Variants in BST2 observed in about 807,000 individuals in gnomAD.
BST2 encodes the protein bone marrow stromal antigen 2.
In BST2, 10 loss-of-function variants were observed where a neutral mutation model predicts 18.6. The observed-to-expected ratio is 0.54, with a 90% CI of 0.33 to 0.91. BST2 has a LOEUF of 0.91. Among genes scored for constraint, BST2 ranks in the 40% least tolerant of loss-of-function variants. The probability of loss-of-function intolerance (pLI) is 0.02; values close to 1 mark genes in which losing one functional copy is unlikely to be tolerated. For missense variants in BST2, 183 were observed against 228.4 expected (o/e 0.80, Z 1.28); for synonymous variants, 75 against 96.8 (o/e 0.77, Z 1.32).
Position 17,405,601 on chromosome 19 carries a change from C to T in BST2, c.-26G>A. Reference sequence around the variant, plus strand: ...CCAGATCTCCCCTTTAGAGTCTGGCCTGGAGTTAGGGGAGGGTGCTGGAAT... The same window carrying T: ...CCAGATCTCCCCTTTAGAGTCTGGCTTGGAGTTAGGGGAGGGTGCTGGAAT... On this transcript the variant is annotated 5_prime_UTR_variant, in exon 1 of 5. Transcript: ENST00000252593. 2.0e-6 allele frequency: 1 copy of T among 489,428 alleles called. No homozygotes were observed. Among genetic ancestry groups the T allele is most frequent in the Non-Finnish European group, 3.6e-6 (1 of 279,324 alleles). The allele number at this position is 489,428 out of a possible 1,614,324, so 30.3% of individuals were successfully genotyped here.
At chr19:17,403,552 A>C (rs1599593652) in intron 4 of BST2, 128 bp downstream of exon 4, 9 of 1,010,354 alleles carry the variant, frequency 8.9e-6, no homozygotes, top group South Asian at 2.3e-5. Flanking sequence ...CTCCTTCCCC[A>C]AGGCCCCTCA....
intron 1 of BST2, among the ~76,000 whole-genome samples, chr19:17,404,808 T>G (rs980768671): frequency 6.6e-6 from 1 of 152,184 alleles, no homozygotes; most frequent in South Asian, 2.1e-4. Flanking sequence ...CCAAGTGACA[T>G]GCCCAGCGAG....
At position 17,405,384 on chromosome 19, in the gene BST2, G is replaced by T. The variant is rs1408913966; in HGVS notation, c.192C>A (p.Arg64=). 1 of 1,614,144 alleles carries T rather than the reference G, an allele frequency of 6.2e-7. No homozygotes were observed. The highest frequency in any genetic ancestry group is 8.5e-7 in the Non-Finnish European group (1 of 1,180,052). ...CTTGTTGCAGGAGATGGGTGACATT[G>T]CGACACTCCATCACTGCCCGAAGGC... The part of the protein sequence containing the change: ...RDGLRAVMEC[R]NVTHLLQQEL... The change falls in exon 1 of 5, where the codon CGC becomes CGA. Residue 64 remains arginine (R), a synonymous_variant. Coordinates refer to ENST00000252593, the MANE Select transcript of BST2 (RefSeq NM_004335.4).
At chr19:17,404,213 CA>C in intron 2 of BST2, 24 bp from the exon 3 acceptor site, 1 of 1,599,692 alleles carries the variant, frequency 6.3e-7, no homozygotes, top group Non-Finnish European at 8.5e-7. Flanking sequence ...AGGACAGAAA[CA>C]GGGGGCGGGT....
intron 4 of BST2, among the ~76,000 whole-genome samples, 169 bp downstream of exon 4, chr19:17,403,511 G>A (rs1183768485): frequency 1.3e-5 from 1 of 77,720 alleles, no homozygotes; most frequent in East Asian, 3.9e-4. Flanking sequence ...GCCCGTCCCC[G>A]ATCCAGGGCA....
chr19:17,403,516 A>T (rs1277009892), intron 4 of BST2, among the ~76,000 whole-genome samples, 164 bp downstream of exon 4: 4 of 106,668 alleles, frequency 3.7e-5, no homozygotes, highest in African/African-American at 1.4e-4. Context: ...TCCCCGATCC[A>T]GGGCATCCTT....
At chr19:17,403,952 C>T in intron 3 of BST2, 128 bp from the exon 4 acceptor site, 3 of 1,380,770 alleles carry the variant, frequency 2.2e-6, no homozygotes, top group East Asian at 2.4e-5. Flanking sequence ...GAATGGACAG[C>T]GGCCACCCAT....
chr19:17,403,229 C>T lies in BST2; in HGVS notation c.*113G>A, dbSNP rs2074706220. On this transcript the variant is annotated 3_prime_UTR_variant, in exon 5 of 5. Coordinates refer to ENST00000252593, the MANE Select transcript of BST2 (RefSeq NM_004335.4). Reference sequence around the variant, plus strand: ...CCCTTCTCCGGCTACCCCGTGCTCTCCCCGCTAACCGTGTTGCCCCATGAC... The same window carrying T: ...CCCTTCTCCGGCTACCCCGTGCTCTTCCCGCTAACCGTGTTGCCCCATGAC... 1.0e-6 allele frequency: 1 copy of T among 998,284 alleles called. No homozygotes were observed. The highest frequency in any genetic ancestry group is 1.7e-5 in the African/African-American group (1 of 57,304). The allele number at this position is 998,284 out of a possible 1,614,324, so 61.8% of individuals were successfully genotyped here.
rs750657130 is a variant in BST2, at chr19:17,402,988, AC to A, written c.*353del. On this transcript the variant is annotated 3_prime_UTR_variant, in exon 5 of 5. Coordinates refer to ENST00000252593, the MANE Select transcript of BST2 (RefSeq NM_004335.4). Reference sequence around the variant, plus strand: ...AGTGTTTATTTTTTGGAGCTCAAAGACCCCAGAAAAAAGCAACCCCCCCCGC... The same window carrying A: ...AGTGTTTATTTTTTGGAGCTCAAAGACCCAGAAAAAAGCAACCCCCCCCGC... 4.1e-6 allele frequency: 4 copies of A among 984,322 alleles called. No individual in the cohort carries two copies. Among genetic ancestry groups the A allele is most frequent in the Non-Finnish European group, 4.8e-6 (4 of 829,756 alleles). 61.0% of individuals were successfully genotyped at this position (984,322 alleles called of 1,614,324 possible).
chr19:17,403,749 A>G lies in BST2; in HGVS notation c.489T>C (p.Ala163=). The change falls in exon 4 of 5, where the codon GCT becomes GCC. Residue 163 remains alanine (A), a synonymous_variant. Coordinates refer to ENST00000252593, the MANE Select transcript of BST2 (RefSeq NM_004335.4). ...YYPSSQDSSS[A]AAPQLLIVLL... is the part of the protein sequence containing the mutation. The stretch of plus-strand genomic sequence containing the variant: ...GCACAATCAGCAGCTGGGGCGCCGC[A>G]GCGGAGCTGGAGTCCTGGGAGCTGG... 4 of 1,613,850 alleles carry G rather than the reference A, an allele frequency of 2.5e-6. No homozygotes were observed. The highest frequency in any genetic ancestry group is 3.4e-6 in the Non-Finnish European group (4 of 1,179,958).
chr19:17,404,924 T>C (rs1355200421), intron 1 of BST2, among the ~76,000 whole-genome samples: 1 of 152,136 alleles, frequency 6.6e-6, no homozygotes, highest in East Asian at 1.9e-4. Context: ...GAGGTCCCCC[T>C]TCAACCCTGA....
chr19:17,403,595 T>A, intron 4 of BST2, 85 bp downstream of exon 4: 1 of 1,487,988 alleles, frequency 6.7e-7, no homozygotes, highest in Admixed American at 2.1e-5. Flanking sequence ...CTGCAGCCTC[T>A]CTCTCTAGAC....
chr19:17,404,300 C>A, intron 2 of BST2, 71 bp downstream of exon 2: 1 of 1,492,684 alleles, frequency 6.7e-7, no homozygotes, highest in South Asian at 1.1e-5. Context: ...CAGCCCTGGT[C>A]TCCCTGCCCC....
chr19:17,403,538 C>A, intron 4 of BST2, 142 bp downstream of exon 4: 1 of 1,085,298 alleles, frequency 9.2e-7, no homozygotes, highest in Non-Finnish European at 1.2e-6. Context: ...TCACTGGATT[C>A]TCCCTCCTTC....
Position 17,403,804 on chromosome 19 carries a change from C to G in BST2, c.434G>C (p.Ser145Thr). ...ERLRRENQVLSVRIADKKYYP... is the reference protein window; with the variant it reads ...ERLRRENQVLTVRIADKKYYP... ...GTACTTCTTGTCCGCGATTCTCACG[C>G]TTAAGACCTGGTTTTCTCTTCTGCG... Residue 145 changes from serine to threonine, a missense_variant, in exon 4 of 5, where the codon AGC (serine) becomes ACC (threonine). Ser to Thr is a moderately conservative substitution (Grantham distance 58). Coordinates refer to ENST00000252593, the MANE Select transcript of BST2 (RefSeq NM_004335.4). The G allele has an allele frequency of 6.2e-7, 1 of 1,608,268 alleles. No homozygotes were observed. The highest frequency in any genetic ancestry group is 2.2e-5 in the East Asian group (1 of 44,694).
At chr19:17,404,615 A>G (rs1159379412) in intron 1 of BST2, 178 bp from the exon 2 acceptor site, 3 of 888,932 alleles carry the variant, frequency 3.4e-6, no homozygotes. Context: ...ACAACCACAC[A>G]CTCTCCCAGG....
chr19:17,405,285 G>A lies in BST2; in HGVS notation c.285+6C>T, dbSNP rs1283862081. On this transcript the variant is annotated splice_donor_region_variant and intron_variant, in intron 1 of 4. Transcript: ENST00000252593. ...CTAGGCCATCCAAAGGAGTTGAGGA[G>A]CTTACCACAGTGTGGTTGCAGGTGG... The A allele has an allele frequency of 2.5e-6, 4 of 1,605,994 alleles. No homozygotes were observed. The highest frequency in any genetic ancestry group is 2.6e-6 in the Non-Finnish European group (3 of 1,175,900).
chr19:17,403,951 G>A, intron 3 of BST2, 127 bp from the exon 4 acceptor site: 1 of 1,389,914 alleles, frequency 7.2e-7, no homozygotes, highest in Non-Finnish European at 9.8e-7. Context: ...GGAATGGACA[G>A]CGGCCACCCA....
At chr19:17,403,401 G>GGCCCCCCCCCC in intron 4 of BST2, 75 bp from the exon 5 acceptor site, 1 of 959,838 alleles carries the variant, frequency 1.0e-6, no homozygotes, top group South Asian at 4.4e-5. Context: ...CCGGCCCCAA[G>GGCCCCCCCCCC]CCCCGCCCCC....
Sources: gnomAD v4.1 joint callset for allele counts (sites outside exome capture counted in the v4.1 genomes callset) on GRCh38, gnomAD v4.1.1 for gene constraint, MANE v1.5 for transcripts, NCBI Gene and HGNC (gene_info 2026-07-23, HGNC 2026-07-21) for gene names.